The following DRC11 variants were observed in gnomAD, a reference collection of about 807,000 sequenced individuals.
DRC11 encodes dynein regulatory complex subunit 11, also known as IQ and AAA domain-containing protein 1.
At chr2:236,422,141 G>A in the DRC11 span, among the ~76,000 whole-genome samples, 1 of 152,006 alleles carries the variant, frequency 6.6e-6, no homozygotes, top group South Asian at 2.1e-4. Context: ...CTTTGAAAAC[G>A]GGCACAAGAC....
the DRC11 span, among the ~76,000 whole-genome samples, chr2:236,491,040 TATAC>T: frequency 3.6e-5 from 5 of 138,952 alleles, no homozygotes; most frequent in Non-Finnish European, 6.0e-5. Context: ...TGTATATATA[TATAC>T]AGTATATATA....
chr2:236,478,147 T>C, the DRC11 span, among the ~76,000 whole-genome samples: 1 of 152,158 alleles, frequency 6.6e-6, no homozygotes, highest in African/African-American at 2.4e-5. The surrounding 1 kb of genome is among the most constrained non-coding windows in gnomAD (Gnocchi z 5.9). Flanking sequence ...TTAGGTTGTT[T>C]GAGCTCTTTC....
At chr2:236,439,591 G>A in the DRC11 span, among the ~76,000 whole-genome samples, 1 of 152,020 alleles carries the variant, frequency 6.6e-6, no homozygotes, top group Non-Finnish European at 1.5e-5. Context: ...TGTATAATTT[G>A]TCAATATAAT....
chr2:236,439,495 T>G, the DRC11 span, among the ~76,000 whole-genome samples: 1 of 152,226 alleles, frequency 6.6e-6, no homozygotes, highest in Non-Finnish European at 1.5e-5. Context: ...AGTCTTTTTA[T>G]CCAGATAAAT....
the DRC11 span, among the ~76,000 whole-genome samples, chr2:236,384,603 C>T: frequency 2.4e-4 from 37 of 152,146 alleles, no homozygotes; most frequent in East Asian, 1.4e-3. Context: ...TCTCCCATTT[C>T]GTAGGTTGCC....
the DRC11 span, among the ~76,000 whole-genome samples, chr2:236,347,999 C>T: frequency 6.6e-6 from 1 of 152,204 alleles, no homozygotes; most frequent in Non-Finnish European, 1.5e-5. Flanking sequence ...AAGCCGGGCG[C>T]TTTGCCCCCG....
chr2:236,375,094 GC>G, the DRC11 span, among the ~76,000 whole-genome samples: 2 of 152,010 alleles, frequency 1.3e-5, no homozygotes, highest in East Asian at 3.9e-4. The surrounding 1 kb of genome is among the most constrained non-coding windows in gnomAD (Gnocchi z 4.2). Flanking sequence ...ATGAGAAACT[GC>G]CCCCATGATC....
At chr2:236,337,111 C>T in the DRC11 span, among the ~76,000 whole-genome samples, 28 of 152,258 alleles carry the variant, frequency 1.8e-4, no homozygotes, top group East Asian at 1.7e-3. The surrounding 1 kb of genome is among the most constrained non-coding windows in gnomAD (Gnocchi z 4.9). Flanking sequence ...GTCACATGCG[C>T]GAGCGATCCT....
chr2:236,441,937 T>C, the DRC11 span, among the ~76,000 whole-genome samples: 1 of 152,088 alleles, frequency 6.6e-6, no homozygotes, highest in Non-Finnish European at 1.5e-5. Context: ...TAATTTACTG[T>C]GTTAAATATT....
chr2:236,475,499 G>A, the DRC11 span, among the ~76,000 whole-genome samples: 652 of 152,252 alleles, frequency 4.3e-3, 7 homozygotes, highest in African/African-American at 0.015. This position sits in a 1 kb window ranked among gnomAD's most constrained non-coding sequence, Gnocchi z 4.8. Context: ...GCACTCAATA[G>A]TGAGATTGCT....
chr2:236,389,977 T>C, the DRC11 span, among the ~76,000 whole-genome samples: 1 of 152,216 alleles, frequency 6.6e-6, no homozygotes, highest in African/African-American at 2.4e-5. Flanking sequence ...TTGGGTACAA[T>C]AACTGTTAGG....
the DRC11 span, among the ~76,000 whole-genome samples, chr2:236,478,574 C>G: frequency 1.8e-4 from 27 of 152,130 alleles, no homozygotes; most frequent in African/African-American, 6.3e-4. This position sits in a 1 kb window ranked among gnomAD's most constrained non-coding sequence, Gnocchi z 5.9. Flanking sequence ...TAGCTTAATT[C>G]TCATGTTTCT....
At chr2:236,366,977 T>C in the DRC11 span, among the ~76,000 whole-genome samples, 2 of 71,918 alleles carry the variant, frequency 2.8e-5, no homozygotes, top group Admixed American at 1.4e-4. Flanking sequence ...ACCCGGCTAT[T>C]TTTTTTTTTT....
the DRC11 span, chr2:236,503,643 G>T: frequency 6.4e-7 from 1 of 1,550,922 alleles, no homozygotes; most frequent in South Asian, 1.2e-5. This position sits in a 1 kb window ranked among gnomAD's most constrained non-coding sequence, Gnocchi z 4.9. Context: ...GTTTTCCTCA[G>T]CGCTGAGAGA....
chr2:236,456,388 C>T, the DRC11 span, among the ~76,000 whole-genome samples: 142 of 152,308 alleles, frequency 9.3e-4, no homozygotes, highest in African/African-American at 3.1e-3. This position sits in a 1 kb window ranked among gnomAD's most constrained non-coding sequence, Gnocchi z 5.4. Context: ...GGCTCTAGGG[C>T]CTCTGCCCCT....
chr2:236,380,773 G>A, the DRC11 span: 2 of 678,628 alleles, frequency 2.9e-6, no homozygotes, highest in Non-Finnish European at 2.6e-6. The surrounding 1 kb of genome is among the most constrained non-coding windows in gnomAD (Gnocchi z 4.9). Context: ...ACACAGAGCT[G>A]CCGTGTTTTC....
At chr2:236,454,654 T>C in the DRC11 span, 3 of 152,218 alleles carry the variant, frequency 2.0e-5, no homozygotes, top group Non-Finnish European at 2.9e-5. This position sits in a 1 kb window ranked among gnomAD's most constrained non-coding sequence, Gnocchi z 5.3. Flanking sequence ...TGCAGAAAAC[T>C]TGGACTATAA....
At chr2:236,502,355 T>A in the DRC11 span, among the ~76,000 whole-genome samples, 1,899 of 151,342 alleles carry the variant, frequency 0.013, 63 homozygotes, top group Admixed American at 0.081. Flanking sequence ...GGTGGGTGGA[T>A]CATTTGAGGT....
At chr2:236,348,311 A>G in the DRC11 span, among the ~76,000 whole-genome samples, 2 of 152,158 alleles carry the variant, frequency 1.3e-5, no homozygotes, top group Admixed American at 1.3e-4. The surrounding 1 kb of genome is among the most constrained non-coding windows in gnomAD (Gnocchi z 7.4). Flanking sequence ...GGGCCTTTGG[A>G]AATGGAGCTC....
Sources: allele counts gnomAD v4.1 joint callset (sites outside exome capture counted in the v4.1 genomes callset), GRCh38; gene constraint gnomAD v4.1.1; non-coding constraint Gnocchi (gnomAD v3.1); transcripts MANE v1.5; gene names NCBI Gene and HGNC (gene_info 2026-07-23, HGNC 2026-07-21).